MAP4: variants seen among roughly 807,000 people sequenced by gnomAD.
The protein encoded by MAP4 is microtubule associated protein 4.
A neutral mutation model predicts 170.2 loss-of-function variants in MAP4; 76 were observed. The observed-to-expected ratio is 0.45, with a 90% CI of 0.37 to 0.54. The LOEUF (loss-of-function observed/expected upper bound fraction) is 0.54. MAP4 is among the 20% of genes least tolerant of loss of function. The pLI is 0.00. For missense variants in MAP4, 2,506 were observed against 2,748.0 expected, an observed-to-expected ratio of 0.91 and a Z score of 1.97; for synonymous variants, 909 against 994.5, an observed-to-expected ratio of 0.91 and a Z score of 1.62.
intron 1 of MAP4, among the ~76,000 whole-genome samples, chr3:48,025,719 T>TA (rs2100112702): frequency 6.6e-6 from 1 of 151,212 alleles, no homozygotes; most frequent in African/African-American, 2.4e-5. Flanking sequence ...GCCGACGTGG[T>TA]AAAAACCCTG....
At chr3:48,007,470 G>C (rs1019649837) in intron 1 of MAP4, among the ~76,000 whole-genome samples, 7 of 152,178 alleles carry the variant, frequency 4.6e-5, no homozygotes, top group Admixed American at 2.0e-4. Context: ...CAGAACAGGA[G>C]AAGGCTCTGC....
In MAP4 at chr3:47,911,332, A is replaced by G; in HGVS notation, c.3089T>C (p.Ile1030Thr). 6.5e-7 allele frequency: 1 copy of G among 1,536,084 alleles called. No homozygotes were observed. The highest frequency in any genetic ancestry group is 8.7e-7 in the Non-Finnish European group (1 of 1,146,896). ...AFPNERQEIS[I>T]FTSEQLQGQV... ...GCCCTGCAGCTGCTCAGAAGTAAAG[A>G]TGCTGATCTCTTGTCTTTCGTTGGG... is the stretch of plus-strand genomic sequence containing the variant. Residue 1030 changes from isoleucine to threonine, a missense_variant, in exon 9 of 21, where the codon ATC becomes ACC. Physicochemically the swap from Ile to Thr is moderately conservative, Grantham distance 89 (BLOSUM62 -1). Coordinates refer to ENST00000683076, the MANE Select transcript of MAP4 (RefSeq NM_001385682.1). The surrounding 1 kb of genome is among the most constrained non-coding windows in gnomAD (Gnocchi z 4.0).
At chr3:47,941,613 T>TA (rs775418429) in intron 3 of MAP4, among the ~76,000 whole-genome samples, 4 of 135,268 alleles carry the variant, frequency 3.0e-5, no homozygotes, top group African/African-American at 8.5e-5. Flanking sequence ...CAGTCTCTAC[T>TA]AAAAAAACAA....
intron 1 of MAP4, among the ~76,000 whole-genome samples, chr3:48,034,693 ACT>A (rs1407958572): frequency 1.3e-5 from 2 of 151,526 alleles, no homozygotes; most frequent in Admixed American, 6.6e-5. Flanking sequence ...ACAGAGAGAG[ACT>A]CTGTATCCAA....
At chr3:48,055,225 TCTCCGTCTCC>T in intron 1 of MAP4, among the ~76,000 whole-genome samples, 1 of 138,518 alleles carries the variant, frequency 7.2e-6, no homozygotes, top group Non-Finnish European at 1.6e-5. Context: ...TCCGTCTCCG[TCTCCGTCTCC>T]GTCTCCCCAT....
intron 10 of MAP4, among the ~76,000 whole-genome samples, chr3:47,901,154 G>C (rs544075749): frequency 6.6e-6 from 1 of 152,242 alleles, no homozygotes; most frequent in African/African-American, 2.4e-5. Context: ...TCTAGGTCTT[G>C]TAGGAAAACT....
chr3:48,057,000 C>T (rs2100132393), intron 1 of MAP4, among the ~76,000 whole-genome samples: 1 of 128,438 alleles, frequency 7.8e-6, no homozygotes, highest in Non-Finnish European at 1.7e-5. Context: ...GGTCAGCCCC[C>T]CTGCCCGGCC....
intron 1 of MAP4, among the ~76,000 whole-genome samples, chr3:48,003,984 G>A (rs1351530993): frequency 6.6e-6 from 1 of 152,196 alleles, no homozygotes; most frequent in Non-Finnish European, 1.5e-5. Context: ...TTGGGACTTG[G>A]ACTGGCTTTC....
At chr3:48,011,775 G>T (rs1000812251) in intron 1 of MAP4, among the ~76,000 whole-genome samples, 5 of 152,050 alleles carry the variant, frequency 3.3e-5, no homozygotes, top group African/African-American at 1.2e-4. Context: ...TCCATGAAAA[G>T]CAACTATTCA....
At chr3:47,992,027 C>T (rs2100092667) in intron 2 of MAP4, among the ~76,000 whole-genome samples, 1 of 151,740 alleles carries the variant, frequency 6.6e-6, no homozygotes, top group Admixed American at 6.6e-5. Context: ...TTTACTGAAC[C>T]TCATCTAAGA....
At position 47,910,267 on chromosome 3, in the gene MAP4, A is replaced by G. The variant is rs1358930098; in HGVS notation, c.4154T>C (p.Ile1385Thr). The G allele has an allele frequency of 1.9e-6, 3 of 1,604,016 alleles. No homozygotes were observed. The highest frequency in any genetic ancestry group is 1.1e-5 in the South Asian group (1 of 90,818). ...GGGAACATGTATTTTTGTTGCATCT[A>G]TCTTATTCTCCAGAATGTGCTTCTC... ...SPEKHILENK[I>T]DATKIHVPME... The change falls in exon 9 of 21, where the codon ATA (isoleucine) becomes ACA (threonine). Residue 1385 changes from isoleucine (I) to threonine (T), a missense_variant. By Grantham distance (89) the Ile-to-Thr change is moderately conservative (BLOSUM62 -1). Transcript: ENST00000683076.
In MAP4 at chr3:47,869,266, A is replaced by G; in HGVS notation, c.6356T>C (p.Val2119Ala). 6.2e-7 allele frequency: 1 copy of G among 1,614,118 alleles called. No individual in the cohort carries two copies. The highest frequency in any genetic ancestry group is 1.7e-5 in the Admixed American group (1 of 60,020). ...ATTRKPESNAVTKTAGPIASA... is the reference protein window; with the variant it reads ...ATTRKPESNAATKTAGPIASA... The stretch of plus-strand genomic sequence containing the variant: ...TGCAATTGGGCCGGCTGTTTTAGTG[A>G]CTGCATTAGATTCAGGCTTTCGGGT... Residue 2119 changes from valine (V) to alanine (A), a missense_variant, in exon 16 of 21, where the codon GTC (valine) becomes GCC (alanine). Val to Ala is a moderately conservative substitution (Grantham distance 64). This residue lies in a region of MAP4 where 487 missense variants were observed against 511.6 expected (regional missense o/e 0.95). Coordinates refer to ENST00000683076, the MANE Select transcript of MAP4 (RefSeq NM_001385682.1).
chr3:47,883,793 T>C (rs2097162928), intron 10 of MAP4, among the ~76,000 whole-genome samples: 1 of 152,210 alleles, frequency 6.6e-6, no homozygotes, highest in Non-Finnish European at 1.5e-5. Context: ...CACTTCTTTT[T>C]GCATTCCCCA....
intron 1 of MAP4, among the ~76,000 whole-genome samples, chr3:48,053,789 T>C (rs1464372335): frequency 1.3e-5 from 2 of 152,194 alleles, no homozygotes; most frequent in Non-Finnish European, 2.9e-5. Flanking sequence ...ATTGGTGCTA[T>C]ATTCATGCAT....
intron 17 of MAP4, 59 bp from the exon 18 acceptor site, chr3:47,857,571 C>CTTTTTAT (rs2058699075): frequency 5.1e-5 from 58 of 1,130,518 alleles, no homozygotes; most frequent in Middle Eastern, 1.9e-4. Flanking sequence ...AGAGCCAACC[C>CTTTTTAT]CATGCTACCT....
chr3:47,947,269 G>A (rs2100060653), intron 3 of MAP4, among the ~76,000 whole-genome samples: 1 of 152,224 alleles, frequency 6.6e-6, no homozygotes, highest in Middle Eastern at 3.4e-3. Flanking sequence ...AGGGTCAGTG[G>A]GTCCTTGGAG....
chr3:47,995,617 C>A (rs1318183418), intron 2 of MAP4, among the ~76,000 whole-genome samples: 2 of 151,822 alleles, frequency 1.3e-5, no homozygotes, highest in Non-Finnish European at 2.9e-5. Flanking sequence ...TGTGGTCTGC[C>A]CCCCCTCCCC....
intron 3 of MAP4, among the ~76,000 whole-genome samples, chr3:47,938,623 A>G (rs1235282362): frequency 2.0e-5 from 3 of 152,130 alleles, no homozygotes; most frequent in African/African-American, 7.2e-5. Context: ...GGCTCAAGCA[A>G]TCCTCCGGAT....
chr3:47,867,870 C>T (rs1405202641), intron 16 of MAP4, among the ~76,000 whole-genome samples: 1 of 152,166 alleles, frequency 6.6e-6, no homozygotes, highest in Admixed American at 6.5e-5. Flanking sequence ...AACAAGGGCA[C>T]GGATGATACT....
Sources: allele counts gnomAD v4.1 joint callset (sites outside exome capture counted in the v4.1 genomes callset), GRCh38; gene constraint gnomAD v4.1.1; regional missense constraint gnomAD v4.1.1; non-coding constraint Gnocchi (gnomAD v3.1); transcripts MANE v1.5; gene names NCBI Gene and HGNC (gene_info 2026-07-23, HGNC 2026-07-21).